CCDC40: variants seen among roughly 807,000 people sequenced by gnomAD.
CCDC40 encodes the protein coiled-coil domain-containing protein 40.
In CCDC40, 104 loss-of-function variants were observed where a neutral mutation model predicts 124.5. That is an observed-to-expected ratio of 0.84 (90% CI 0.71 to 0.98). CCDC40 has a LOEUF of 0.98. CCDC40 is among the 50% of genes least tolerant of loss of function. CCDC40 has a pLI of 0.00. For synonymous variants in CCDC40, 580 were observed against 602.9 expected, an observed-to-expected ratio of 0.96 and a Z score of 0.56; for missense variants, 1,463 against 1,503.9, an observed-to-expected ratio of 0.97 and a Z score of 0.45.
At chr17:80,076,708 A>C (rs1832213430) in intron 10 of CCDC40, among the ~76,000 whole-genome samples, 1 of 151,600 alleles carries the variant, frequency 6.6e-6, no homozygotes, top group Non-Finnish European at 1.5e-5. Context: ...CTTGATAAAC[A>C]CTTAGGTGAT....
At chr17:80,073,322 T>C (rs1021398904) in intron 10 of CCDC40, among the ~76,000 whole-genome samples, 1 of 152,178 alleles carries the variant, frequency 6.6e-6, no homozygotes, top group Non-Finnish European at 1.5e-5. Flanking sequence ...GGCAGCTCCG[T>C]GTGGAGCAAG....
intron 10 of CCDC40, among the ~76,000 whole-genome samples, chr17:80,073,339 G>A (rs999010060): frequency 1.3e-5 from 2 of 152,096 alleles, no homozygotes; most frequent in East Asian, 1.9e-4. Flanking sequence ...CAAGTCCACC[G>A]GCACCATCTC....
chr17:80,077,552 T>C (rs1285424839), intron 10 of CCDC40, among the ~76,000 whole-genome samples: 1 of 152,152 alleles, frequency 6.6e-6, no homozygotes, highest in Non-Finnish European at 1.5e-5. Flanking sequence ...GCTGCTGCGG[T>C]GTTTTCCCAA....
At chr17:80,077,286 AG>A (rs1169434077) in intron 10 of CCDC40, among the ~76,000 whole-genome samples, 2 of 152,050 alleles carry the variant, frequency 1.3e-5, no homozygotes, top group African/African-American at 4.8e-5. Context: ...GCACTTTGGG[AG>A]GCTGAGGCGG....
intron 9 of CCDC40, among the ~76,000 whole-genome samples, chr17:80,063,448 C>T (rs1012621406): frequency 2.0e-5 from 3 of 152,262 alleles, no homozygotes; most frequent in Middle Eastern, 3.4e-3. Flanking sequence ...TGACCTGCAC[C>T]TCAGTCAACC....
intron 3 of CCDC40, among the ~76,000 whole-genome samples, chr17:80,046,238 A>G (rs1377104876): frequency 6.6e-6 from 1 of 152,184 alleles, no homozygotes; most frequent in Non-Finnish European, 1.5e-5. Context: ...TCCCCCGCCC[A>G]GGGAATTCAG....
chr17:80,086,060 G>C lies in CCDC40; in HGVS notation c.2293G>C (p.Glu765Gln), dbSNP rs199850214. ...CAAAAGGCTGAGCAAGCTGATCGAC[G>C]AGCACGATGGCAAGGCGGTCCAGGC... ...EIKRLSKLIDEHDGKAVQAQV... is the reference protein window; with the variant it reads ...EIKRLSKLIDQHDGKAVQAQV... Residue 765 changes from glutamate (E) to glutamine (Q), a missense_variant, in exon 14 of 20, where the codon GAG (glutamate) becomes CAG (glutamine). By Grantham distance (29) the Glu-to-Gln change is conservative. Coordinates refer to ENST00000397545, the MANE Select transcript of CCDC40 (RefSeq NM_017950.4). This position sits in a 1 kb window ranked among gnomAD's most constrained non-coding sequence, Gnocchi z 5.5. 1.2e-6 allele frequency: 2 copies of C among 1,614,044 alleles called. No homozygotes were observed. Among genetic ancestry groups the C allele is most frequent in the African/African-American group, 2.7e-5 (2 of 74,940 alleles).
intron 19 of CCDC40, 189 bp downstream of exon 19, chr17:80,097,592 A>G (rs1237136629): frequency 9.7e-6 from 6 of 617,826 alleles, no homozygotes; most frequent in Non-Finnish European, 1.1e-5. Flanking sequence ...TCCACTGACA[A>G]ATGTTGATGG....
chr17:80,047,175 T>C (rs1374270292), intron 3 of CCDC40, 104 bp from the exon 4 acceptor site: 4 of 1,284,306 alleles, frequency 3.1e-6, no homozygotes, highest in Non-Finnish European at 3.3e-6. Context: ...CAGGTGACTA[T>C]ATTTTGAGTC....
rs2038048334 is a variant in CCDC40, at chr17:80,066,414, TA to T, written c.1562+812del. 1 of 537,836 alleles carries T rather than the reference TA, an allele frequency of 1.9e-6. No individual in the cohort carries two copies. The highest frequency in any genetic ancestry group is 3.3e-6 in the Non-Finnish European group (1 of 302,504). 33.3% of individuals were successfully genotyped at this position (537,836 alleles called of 1,614,324 possible). On this transcript the variant is annotated intron_variant, in intron 10 of 19. Transcript: ENST00000397545. The surrounding 1 kb of genome is among the most constrained non-coding windows in gnomAD (Gnocchi z 4.4). ...AAACAAAATGAAACCATTTTGTTTT[TA>T]AAAGTTTTTAGACCAAAACATTTTC...
chr17:80,089,053 G>A (rs933089169), intron 16 of CCDC40, among the ~76,000 whole-genome samples: 3 of 152,224 alleles, frequency 2.0e-5, no homozygotes, highest in Admixed American at 6.5e-5. Context: ...AAAGTACCCA[G>A]GGAAAATTGC....
chr17:80,087,037 G>A lies in CCDC40; in HGVS notation c.2450-570G>A. 5.3e-6 allele frequency: 1 copy of A among 190,422 alleles called. No homozygotes were observed. The highest frequency in any genetic ancestry group is 1.1e-4 in the South Asian group (1 of 9,086). The allele number at this position is 190,422 out of a possible 1,614,324, so 11.8% of individuals were successfully genotyped here. On this transcript the variant is annotated intron_variant, in intron 14 of 19. Coordinates refer to ENST00000397545, the MANE Select transcript of CCDC40 (RefSeq NM_017950.4). This position sits in a 1 kb window ranked among gnomAD's most constrained non-coding sequence, Gnocchi z 4.5. ...CAGAGAGAGGGGCTCACATGCCCAT[G>A]TCCTGGGGTAGTCAGGGCACACCAT...
intron 1 of CCDC40, among the ~76,000 whole-genome samples, chr17:80,037,664 G>A (rs1436457671): frequency 2.8e-5 from 3 of 107,658 alleles, no homozygotes; most frequent in East Asian, 6.0e-4. Context: ...GATAAAAATA[G>A]CTTGAATCTT....
At chr17:80,056,440 C>G (rs997901985) in intron 7 of CCDC40, among the ~76,000 whole-genome samples, 2 of 151,510 alleles carry the variant, frequency 1.3e-5, no homozygotes, top group Non-Finnish European at 2.9e-5. Flanking sequence ...GGCAATGCGG[C>G]AAAACCCCAT....
intron 16 of CCDC40, chr17:80,088,342 C>T (rs1484226838): frequency 3.7e-6 from 2 of 543,406 alleles, no homozygotes; most frequent in Non-Finnish European, 6.7e-6. Flanking sequence ...ACCTCTGCCT[C>T]CCAGCTTCAA....
At position 80,089,901 on chromosome 17, in the gene CCDC40, G is replaced by A. The variant is rs372095253; in HGVS notation, c.2832+17G>A. 2.3e-5 allele frequency: 37 copies of A among 1,613,522 alleles called. 2 individuals carry two copies. The South Asian group carries it at 2.3e-4, about 10-fold the overall frequency. On this transcript the variant is annotated intron_variant, in intron 17 of 19. Coordinates refer to ENST00000397545, the MANE Select transcript of CCDC40 (RefSeq NM_017950.4). ...AGGATGAAGGTGAGGGGAGGAGAGC[G>A]GCGTGGCAGGGCCTGCTGGGTGCCA...
intron 13 of CCDC40, 101 bp downstream of exon 13, chr17:80,085,089 G>A (rs2038554272): frequency 7.0e-7 from 1 of 1,438,336 alleles, no homozygotes; most frequent in Non-Finnish European, 9.5e-7. Flanking sequence ...ACTCCTGGAA[G>A]GCACAGAACT....
chr17:80,056,753 T>A (rs1568683306), intron 7 of CCDC40, among the ~76,000 whole-genome samples: 2 of 151,434 alleles, frequency 1.3e-5, no homozygotes, highest in Non-Finnish European at 2.9e-5. Flanking sequence ...TAATAACAAG[T>A]CCTTAGCCAG....
intron 17 of CCDC40, among the ~76,000 whole-genome samples, chr17:80,092,339 C>A (rs924590237): frequency 1.3e-5 from 2 of 151,784 alleles, no homozygotes; most frequent in Non-Finnish European, 2.9e-5. Context: ...CCCAGCCAGC[C>A]CTACAAGTTT....
Sources: allele counts gnomAD v4.1 joint callset (sites outside exome capture counted in the v4.1 genomes callset), GRCh38; gene constraint gnomAD v4.1.1; non-coding constraint Gnocchi (gnomAD v3.1); transcripts MANE v1.5; gene names NCBI Gene and HGNC (gene_info 2026-07-23, HGNC 2026-07-21).